Variants in RNF220 observed in about 807,000 individuals in gnomAD.
RNF220 encodes ring finger protein 220.
RNF220 carries 7 observed loss-of-function variants against 67.1 expected under a neutral mutation model. The ratio of observed to expected loss-of-function variants is 0.10; its 90% CI spans 0.06 to 0.20. RNF220 has a LOEUF of 0.20. Among genes scored for constraint, RNF220 ranks in the 10% least tolerant of loss-of-function variants. The pLI, the probability that RNF220 is intolerant of heterozygous loss-of-function variation, is 1.00. For synonymous variants in RNF220, 270 were observed against 283.2 expected, an observed-to-expected ratio of 0.95 and a Z score of 0.47; for missense variants, 565 against 740.3, an observed-to-expected ratio of 0.76 and a Z score of 2.75.
chr1:44,596,591 C>T (rs1392537786), intron 2 of RNF220, among the ~76,000 whole-genome samples: 1 of 151,928 alleles, frequency 6.6e-6, no homozygotes, highest in Non-Finnish European at 1.5e-5. Context: ...GTGCTTTGCA[C>T]AGAGTAAGCA....
chr1:44,561,629 G>A (rs1663581936), intron 2 of RNF220, among the ~76,000 whole-genome samples: 1 of 152,164 alleles, frequency 6.6e-6, no homozygotes, highest in Non-Finnish European at 1.5e-5. Context: ...TAGTGAGCTA[G>A]CCAGGGGCCA....
At chr1:44,481,566 G>A (rs1290933755) in intron 2 of RNF220, among the ~76,000 whole-genome samples, 1 of 152,164 alleles carries the variant, frequency 6.6e-6, no homozygotes, top group Non-Finnish European at 1.5e-5. Context: ...GGGGTACTTA[G>A]AGGATGGGTC....
rs1411726563 is a variant in RNF220 at position 44,622,974 on chromosome 1, G to A, written c.804+187G>A. Among the ~76,000 whole-genome samples the A allele has an allele frequency of 6.6e-6, 1 of 151,662 alleles. No homozygotes were observed. Among genetic ancestry groups the A allele is most frequent in the Non-Finnish European group, 1.5e-5 (1 of 68,024 alleles). ...AGGGCTGCGCCGTGTGTGTGTGTAAGTGTGTGTGGTCTGTGCATGAGTGAG... is the reference window on the plus strand; with the variant it reads ...AGGGCTGCGCCGTGTGTGTGTGTAAATGTGTGTGGTCTGTGCATGAGTGAG... On this transcript the variant is annotated intron_variant, in intron 4 of 14. Coordinates refer to ENST00000361799, the MANE Select transcript of RNF220 (RefSeq NM_018150.4). The surrounding 1 kb of genome is among the most constrained non-coding windows in gnomAD (Gnocchi z 4.3).
chr1:44,434,826 A>C (rs911344358), intron 2 of RNF220, among the ~76,000 whole-genome samples: 5 of 151,334 alleles, frequency 3.3e-5, no homozygotes, highest in Non-Finnish European at 5.9e-5. Context: ...GTTTGAAACC[A>C]CCTGGGCAAC....
intron 2 of RNF220, among the ~76,000 whole-genome samples, chr1:44,561,208 G>A (rs1315650995): frequency 6.6e-6 from 1 of 152,172 alleles, no homozygotes; most frequent in Admixed American, 6.5e-5. Context: ...TGTGAACTGA[G>A]TCTTTAAAAA....
rs1005952234 is a variant in RNF220, at chr1:44,565,124, T to A, written c.626-49041T>A. Among the ~76,000 whole-genome samples, 1 of 152,198 alleles carries A rather than the reference T, an allele frequency of 6.6e-6. No homozygotes were observed. The highest frequency in any genetic ancestry group is 1.5e-5 in the Non-Finnish European group (1 of 68,038). The stretch of plus-strand genomic sequence containing the variant: ...ACATGCTTGGTCAGCACTCCGTGAA[T>A]AAATGAATGAGTGAGTGAACAAACT... On this transcript the variant is annotated intron_variant, in intron 2 of 14. Coordinates refer to ENST00000361799, the MANE Select transcript of RNF220 (RefSeq NM_018150.4). This position sits in a 1 kb window ranked among gnomAD's most constrained non-coding sequence, Gnocchi z 4.2.
At chr1:44,555,092 AG>A (rs1310860243) in intron 2 of RNF220, among the ~76,000 whole-genome samples, 1 of 152,130 alleles carries the variant, frequency 6.6e-6, no homozygotes, top group Non-Finnish European at 1.5e-5. Context: ...TTTTTGAGAC[AG>A]GGTCTCACTC....
chr1:44,484,785 C>T (rs1465016491), intron 2 of RNF220, among the ~76,000 whole-genome samples: 1 of 152,158 alleles, frequency 6.6e-6, no homozygotes, highest in Non-Finnish European at 1.5e-5. Flanking sequence ...AATTTCTCTC[C>T]TATGCATCTG....
intron 2 of RNF220, among the ~76,000 whole-genome samples, chr1:44,467,217 C>G (rs1325546774): frequency 6.6e-6 from 1 of 151,712 alleles, no homozygotes; most frequent in Non-Finnish European, 1.5e-5. Context: ...TTTTTTTTTC[C>G]TCTTTTCTTT....
At chr1:44,557,356 T>G (rs1353870673) in intron 2 of RNF220, among the ~76,000 whole-genome samples, 1 of 139,226 alleles carries the variant, frequency 7.2e-6, no homozygotes, top group African/African-American at 2.7e-5. Context: ...TGAGACCCTG[T>G]CAAAAAGGAA....
chr1:44,622,811 C>T lies in RNF220; in HGVS notation c.804+24C>T. On this transcript the variant is annotated intron_variant, in intron 4 of 14. Coordinates refer to ENST00000361799, the MANE Select transcript of RNF220 (RefSeq NM_018150.4). The surrounding 1 kb of genome is among the most constrained non-coding windows in gnomAD (Gnocchi z 4.3). ...AGGTAGGTGGCCAATTACATGTTTT[C>T]CTCCTGCCCATACTAACCTAGGCCT... 2 of 1,611,544 alleles carry T rather than the reference C, an allele frequency of 1.2e-6. No individual in the cohort carries two copies.
At chr1:44,514,367 G>A (rs1371311929) in intron 2 of RNF220, among the ~76,000 whole-genome samples, 1 of 152,232 alleles carries the variant, frequency 6.6e-6, no homozygotes, top group Non-Finnish European at 1.5e-5. Flanking sequence ...GACAATACTA[G>A]AATATTCAGA....
At chr1:44,411,205 AC>A (rs1647926660) in intron 1 of RNF220, among the ~76,000 whole-genome samples, 1 of 152,202 alleles carries the variant, frequency 6.6e-6, no homozygotes, top group Non-Finnish European at 1.5e-5. Context: ...TGCCAAAGGC[AC>A]CCATTATGGT....
chr1:44,577,114 G>A (rs1664865643), intron 2 of RNF220, among the ~76,000 whole-genome samples: 1 of 152,158 alleles, frequency 6.6e-6, no homozygotes, highest in Non-Finnish European at 1.5e-5. Context: ...GGCTCAGATA[G>A]CCCCACTCTG....
chr1:44,605,831 CAAAT>C (rs1230799012), intron 2 of RNF220, among the ~76,000 whole-genome samples: 2 of 152,198 alleles, frequency 1.3e-5, no homozygotes, highest in Admixed American at 6.5e-5. Context: ...AAAGCAGAAA[CAAAT>C]AGGCCTATTG....
intron 2 of RNF220, among the ~76,000 whole-genome samples, chr1:44,605,168 G>A (rs1667183341): frequency 6.6e-6 from 1 of 151,958 alleles, no homozygotes; most frequent in Non-Finnish European, 1.5e-5. Flanking sequence ...GTGTGGTGGT[G>A]GGCACCTATA....
chr1:44,490,289 T>G (rs1364453483), intron 2 of RNF220, among the ~76,000 whole-genome samples: 1 of 151,646 alleles, frequency 6.6e-6, no homozygotes, highest in Non-Finnish European at 1.5e-5. Context: ...GTCAACATGA[T>G]GAAACCCCGT....
chr1:44,638,673 G>A (rs1028245924), intron 8 of RNF220, among the ~76,000 whole-genome samples: 2 of 152,202 alleles, frequency 1.3e-5, no homozygotes, highest in Admixed American at 6.5e-5. Flanking sequence ...CAAGAGTTTC[G>A]GTGGAGACAC....
chr1:44,567,119 G>A (rs1664081322), intron 2 of RNF220, among the ~76,000 whole-genome samples: 1 of 152,204 alleles, frequency 6.6e-6, no homozygotes, highest in Non-Finnish European at 1.5e-5. Context: ...CTGAGTTCTT[G>A]GGAATGGGAC....
Sources: allele counts gnomAD v4.1 joint callset (sites outside exome capture counted in the v4.1 genomes callset), GRCh38; gene constraint gnomAD v4.1.1; non-coding constraint Gnocchi (gnomAD v3.1); transcripts MANE v1.5; gene names NCBI Gene and HGNC (gene_info 2026-07-23, HGNC 2026-07-21).